The following TENT2 variants were observed in gnomAD, a reference collection of about 807,000 sequenced individuals.
TENT2 encodes the protein terminal nucleotidyltransferase 2, also known as poly(A) RNA polymerase GLD2.
TENT2 carries 44 observed loss-of-function variants against 72.2 expected under a neutral mutation model. That is an observed-to-expected ratio of 0.61 (90% CI 0.48 to 0.78). The LOEUF is 0.78. Among genes scored for constraint, TENT2 ranks in the 30% least tolerant of loss-of-function variants. The pLI is 0.00. For missense variants in TENT2, 541 were observed against 569.6 expected (o/e 0.95, Z 0.51); for synonymous variants, 212 against 192.5 (o/e 1.10, Z -0.84).
intron 11 of TENT2, among the ~76,000 whole-genome samples, chr5:79,661,109 C>G (rs1802531257): frequency 6.6e-6 from 1 of 151,614 alleles, no homozygotes; most frequent in African/African-American, 2.4e-5. Flanking sequence ...ACAAAACAGC[C>G]TAAAAGTTAA....
chr5:79,626,866 T>G (rs561159056), intron 4 of TENT2, among the ~76,000 whole-genome samples: 1 of 151,672 alleles, frequency 6.6e-6, no homozygotes, highest in South Asian at 2.1e-4. Flanking sequence ...GTGTGGTGGC[T>G]CACGCCTGTA....
intron 12 of TENT2, among the ~76,000 whole-genome samples, chr5:79,672,415 T>A (rs916595545): frequency 3.3e-5 from 5 of 152,236 alleles, no homozygotes; most frequent in African/African-American, 7.2e-5. Context: ...TTATTCGTTC[T>A]ATTTTCTTGT....
chr5:79,633,432 G>GTTTTTTTT (rs539713889), intron 4 of TENT2, among the ~76,000 whole-genome samples: 19 of 80,368 alleles, frequency 2.4e-4, no homozygotes, highest in East Asian at 4.1e-4. Context: ...CAGCTAAAAA[G>GTTTTTTTT]TTTTTTTTTT....
At chr5:79,670,288 G>C (rs1811937178) in intron 12 of TENT2, among the ~76,000 whole-genome samples, 2 of 151,628 alleles carry the variant, frequency 1.3e-5, no homozygotes, top group Admixed American at 1.3e-4. Context: ...TGTCATACTG[G>C]AGAAGTATAA....
At chr5:79,650,590 A>T (rs150283307) in intron 10 of TENT2, among the ~76,000 whole-genome samples, 7 of 152,206 alleles carry the variant, frequency 4.6e-5, no homozygotes, top group African/African-American at 1.7e-4. Flanking sequence ...AACAGATAAT[A>T]TTAGCAATTT....
intron 6 of TENT2, 111 bp from the exon 7 acceptor site, chr5:79,642,721 C>T: frequency 1.3e-6 from 1 of 799,616 alleles, no homozygotes; most frequent in Non-Finnish European, 1.9e-6. Context: ...TGAAAAATAA[C>T]TCCAAAGGAA....
rs1826311354 is a variant in TENT2, at chr5:79,687,196, A to G, written c.*1923A>G. On this transcript the variant is annotated 3_prime_UTR_variant, in exon 15 of 15. Coordinates refer to ENST00000453514, the MANE Select transcript of TENT2 (RefSeq NM_001114394.3). The stretch of plus-strand genomic sequence containing the variant: ...TCACTAAACTTAGACCCAATTCTAT[A>G]TCAGTAGACTGAGGCCTGAAATTAT... 6.6e-6 allele frequency among the ~76,000 whole-genome samples: 1 copy of G among 152,232 alleles called. No individual in the cohort carries two copies. The highest frequency in any genetic ancestry group is 1.5e-5 in the Non-Finnish European group (1 of 68,032).
chr5:79,682,122 A>G (rs1822457715), intron 14 of TENT2, 61 bp downstream of exon 14: 1 of 1,184,896 alleles, frequency 8.4e-7, no homozygotes, highest in African/African-American at 1.5e-5. Flanking sequence ...TTAAACAGGA[A>G]AAAATACGTG....
Position 79,619,977 on chromosome 5 carries a change from T to C in TENT2, c.138-17T>C. On this transcript the variant is annotated splice_polypyrimidine_tract_variant and intron_variant, in intron 2 of 14. Transcript: ENST00000453514. Reference sequence around the variant, plus strand: ...AAAATATGTATAAATTACTGTTCTTTTCTTTGATTTTGTTAGCTTGTCTAG... The same window carrying C: ...AAAATATGTATAAATTACTGTTCTTCTCTTTGATTTTGTTAGCTTGTCTAG... The C allele has an allele frequency of 1.3e-6, 2 of 1,570,114 alleles. No individual in the cohort carries two copies. The highest frequency in any genetic ancestry group is 1.7e-6 in the Non-Finnish European group (2 of 1,155,724).
chr5:79,659,168 T>C (rs575649938), intron 11 of TENT2, among the ~76,000 whole-genome samples: 1 of 152,134 alleles, frequency 6.6e-6, no homozygotes, highest in Non-Finnish European at 1.5e-5. Context: ...ATATGAAACC[T>C]GTAGGCTGGT....
At chr5:79,664,988 A>G (rs1408382479) in intron 11 of TENT2, among the ~76,000 whole-genome samples, 2 of 152,172 alleles carry the variant, frequency 1.3e-5, no homozygotes. Context: ...TATGTTATAT[A>G]CTTACCTTGA....
At chr5:79,670,832 T>C (rs1448481062) in intron 12 of TENT2, among the ~76,000 whole-genome samples, 1 of 151,208 alleles carries the variant, frequency 6.6e-6, no homozygotes, top group Non-Finnish European at 1.5e-5. Context: ...TAATAACCTC[T>C]GTCAAGCTTA....
intron 10 of TENT2, among the ~76,000 whole-genome samples, chr5:79,656,251 T>C (rs1408722845): frequency 1.3e-5 from 2 of 151,998 alleles, no homozygotes; most frequent in African/African-American, 4.8e-5. Flanking sequence ...ATTAATGAGA[T>C]TGGATTTGTT....
chr5:79,657,631 A>AT (rs1305511447), intron 11 of TENT2, among the ~76,000 whole-genome samples: 1 of 152,196 alleles, frequency 6.6e-6, no homozygotes, highest in African/African-American at 2.4e-5. Context: ...TTCATAATCT[A>AT]TAAGAATCCT....
rs1297663723 is a variant in TENT2 at position 79,687,264 on chromosome 5, A to G, written c.*1991A>G. Among the ~76,000 whole-genome samples the G allele has an allele frequency of 1.3e-5, 2 of 152,202 alleles. No individual in the cohort carries two copies. Among genetic ancestry groups the G allele is most frequent in the African/African-American group, 2.4e-5 (1 of 41,446 alleles). On this transcript the variant is annotated 3_prime_UTR_variant, in exon 15 of 15. Coordinates refer to ENST00000453514, the MANE Select transcript of TENT2 (RefSeq NM_001114394.3). Reference sequence around the variant, plus strand: ...AATATCAGATAAGTGAACTGTTAATATATGAGAGAATTTTCTGGACTTTTA... The same window carrying G: ...AATATCAGATAAGTGAACTGTTAATGTATGAGAGAATTTTCTGGACTTTTA...
intron 11 of TENT2, among the ~76,000 whole-genome samples, chr5:79,663,401 T>C (rs949575963): frequency 2.0e-5 from 3 of 152,346 alleles, no homozygotes; most frequent in South Asian, 2.1e-4. Context: ...ACATGACTTC[T>C]TCACTAAGCT....
chr5:79,638,339 A>G (rs1781837255), intron 4 of TENT2, among the ~76,000 whole-genome samples: 1 of 152,066 alleles, frequency 6.6e-6, no homozygotes, highest in African/African-American at 2.4e-5. Flanking sequence ...ATAATAAAAA[A>G]TGTTTTCATA....
intron 3 of TENT2, among the ~76,000 whole-genome samples, chr5:79,622,551 C>T (rs1487102093): frequency 1.3e-5 from 2 of 152,008 alleles, no homozygotes; most frequent in African/African-American, 4.8e-5. Context: ...AAAAGTTTTA[C>T]ATTTGATTTC....
Position 79,646,820 on chromosome 5 carries a change from G to T in TENT2, c.821+1628G>T, listed in dbSNP as rs1325461389. ...GTTTTACCATGTTGCCCAGGCTGGA[G>T]TGCAGTGGCATGATCATAGCTCACT... On this transcript the variant is annotated intron_variant, in intron 8 of 14. Coordinates refer to ENST00000453514, the MANE Select transcript of TENT2 (RefSeq NM_001114394.3). Among the ~76,000 whole-genome samples, 4 of 150,596 alleles carry T rather than the reference G, an allele frequency of 2.7e-5. No homozygotes were observed. In the East Asian group the frequency reaches 7.8e-4, roughly 29 times the overall value.
Sources: gnomAD v4.1 joint callset for allele counts (sites outside exome capture counted in the v4.1 genomes callset) on GRCh38, gnomAD v4.1.1 for gene constraint, MANE v1.5 for transcripts, NCBI Gene and HGNC (gene_info 2026-07-23, HGNC 2026-07-21) for gene names.